Variants in ZFHX3 observed in about 807,000 individuals in gnomAD.
The protein encoded by ZFHX3 is zinc finger homeobox protein 3.
ZFHX3 carries 42 observed loss-of-function variants against 279.1 expected under a neutral mutation model. The ratio of observed to expected loss-of-function variants is 0.15; its 90% CI spans 0.12 to 0.19. ZFHX3 has a LOEUF of 0.19. ZFHX3 is among the 10% of genes least tolerant of loss of function. ZFHX3 has a pLI of 1.00. For synonymous variants in ZFHX3, 2,293 were observed against 1,957.8 expected (o/e 1.17, Z -4.52); for missense variants, 4,981 against 4,754.0 (o/e 1.05, Z -1.40).
chr16:73,648,702 G>A (rs749583572), intron 2 of ZFHX3, among the ~76,000 whole-genome samples: 9 of 152,110 alleles, frequency 5.9e-5, no homozygotes, highest in African/African-American at 1.2e-4. Context: ...GTGAGCCACC[G>A]TGCTCACCCC....
At chr16:73,590,755 G>A (rs907167896) in intron 2 of ZFHX3, among the ~76,000 whole-genome samples, 1 of 152,076 alleles carries the variant, frequency 6.6e-6, no homozygotes, top group Non-Finnish European at 1.5e-5. Context: ...CATATAGAAG[G>A]CACATCATAG....
chr16:73,809,529 C>T (rs557244743), intron 1 of ZFHX3: 126 of 152,186 alleles, frequency 8.3e-4, no homozygotes, highest in Non-Finnish European at 1.7e-3. Context: ...GTCTGTTTCA[C>T]GGTGCTGCTT....
chr16:73,598,897 G>A (rs1370592102), intron 2 of ZFHX3, among the ~76,000 whole-genome samples: 2 of 152,138 alleles, frequency 1.3e-5, no homozygotes, highest in Non-Finnish European at 2.9e-5. Flanking sequence ...CGAGTAGCTG[G>A]GATTACAGGA....
chr16:73,493,680 A>G (rs909208075), intron 2 of ZFHX3, among the ~76,000 whole-genome samples: 2 of 152,100 alleles, frequency 1.3e-5, no homozygotes, highest in African/African-American at 4.8e-5. Context: ...CCTTCCTTCC[A>G]AGGTCTTTCC....
rs371454800 is a variant in ZFHX3, at chr16:72,787,285, G to C, written c.10991C>G (p.Ser3664Cys). ...GGACTTTTGGCTGAGATCCGTGTCA[G>C]ACTCCTCCGAATAGTCGTCTGTTGG... is the stretch of plus-strand genomic sequence containing the variant. The part of the protein sequence containing the change: ...SMPTDDYSEE[S>C]DTDLSQKSDG... Residue 3664 changes from serine (S) to cysteine (C), a missense_variant, in exon 10 of 10, where the codon TCT (serine) becomes TGT (cysteine). Ser to Cys is a moderately radical substitution (Grantham distance 112). Coordinates refer to ENST00000268489, the MANE Select transcript of ZFHX3 (RefSeq NM_006885.4). 4 of 1,613,942 alleles carry C rather than the reference G, an allele frequency of 2.5e-6. No individual in the cohort carries two copies. The highest frequency in any genetic ancestry group is 3.4e-6 in the Non-Finnish European group (4 of 1,180,022).
intron 1 of ZFHX3, among the ~76,000 whole-genome samples, chr16:73,887,740 C>A (rs1172466452): frequency 6.6e-6 from 1 of 152,090 alleles, no homozygotes; most frequent in Non-Finnish European, 1.5e-5. Flanking sequence ...GTAACACACA[C>A]ACTTTTTTTT....
intron 1 of ZFHX3, among the ~76,000 whole-genome samples, chr16:73,787,089 C>CA (rs1464540776): frequency 6.6e-6 from 1 of 152,144 alleles, no homozygotes; most frequent in Non-Finnish European, 1.5e-5. Flanking sequence ...CTTTTTCATA[C>CA]TTTAACTGTC....
intron 4 of ZFHX3, among the ~76,000 whole-genome samples, chr16:72,888,067 T>C (rs1376165919): frequency 1.3e-5 from 2 of 152,024 alleles, no homozygotes; most frequent in South Asian, 4.1e-4. Context: ...GAAACAGTCG[T>C]AGAAGTATGA....
intron 4 of ZFHX3, among the ~76,000 whole-genome samples, chr16:72,849,456 A>G (rs1231347403): frequency 6.6e-6 from 1 of 152,160 alleles, no homozygotes; most frequent in Non-Finnish European, 1.5e-5. Flanking sequence ...CCTGAAGATG[A>G]GGCCACGATC....
intron 3 of ZFHX3, among the ~76,000 whole-genome samples, chr16:72,927,259 C>A (rs1259810715): frequency 1.3e-5 from 2 of 152,198 alleles, no homozygotes; most frequent in Non-Finnish European, 2.9e-5. Flanking sequence ...TTTAGACCCA[C>A]ACCAATGAGT....
At chr16:73,353,479 T>C (rs1287446153) in intron 3 of ZFHX3, among the ~76,000 whole-genome samples, 1 of 152,254 alleles carries the variant, frequency 6.6e-6, no homozygotes, top group Non-Finnish European at 1.5e-5. Context: ...GATAATGTGC[T>C]GGATACTATT....
chr16:73,410,964 T>C (rs1312181228), intron 3 of ZFHX3, among the ~76,000 whole-genome samples: 1 of 152,220 alleles, frequency 6.6e-6, no homozygotes, highest in East Asian at 1.9e-4. Context: ...TGCCAGGCTA[T>C]AAATATCCAG....
chr16:73,847,363 C>G (rs1254996895), intron 1 of ZFHX3, among the ~76,000 whole-genome samples: 1 of 152,134 alleles, frequency 6.6e-6, no homozygotes, highest in Admixed American at 6.5e-5. Flanking sequence ...CATCAAACTA[C>G]AAAAACCAGT....
intron 2 of ZFHX3, among the ~76,000 whole-genome samples, chr16:73,676,797 TA>T (rs11295760): frequency 0.21 from 31,552 of 150,906 alleles, 3,408 homozygotes; most frequent in African/African-American, 0.22. Flanking sequence ...GAGATACAAA[TA>T]AAAAAAAGAG....
At chr16:72,999,298 T>C (rs111544451) in intron 1 of ZFHX3, among the ~76,000 whole-genome samples, 3,667 of 152,270 alleles carry the variant, frequency 0.024, 57 homozygotes, top group Middle Eastern at 0.058. Context: ...GCTGGGATTA[T>C]AGGCACATGC....
In ZFHX3 at chr16:73,818,599, C is replaced by A. The variant is rs1960647246; in HGVS notation, c.-1608+73052G>T. 2.0e-5 allele frequency among the ~76,000 whole-genome samples: 3 copies of A among 152,338 alleles called. No homozygotes were observed. The East Asian group carries it at 5.8e-4, about 29-fold the overall frequency. ...AAAGCATTAAATAAGCAGACACCCA[C>A]ACTCAATTCAACCACAGGTTCTAAA... On this transcript the variant is annotated intron_variant, in intron 1 of 17. Coordinates refer to the ZFHX3 transcript ENST00000641206.
intron 5 of ZFHX3, among the ~76,000 whole-genome samples, chr16:73,145,608 G>A (rs184748547): frequency 6.6e-6 from 1 of 152,352 alleles, no homozygotes; most frequent in African/African-American, 2.4e-5. Flanking sequence ...TGATGACTGA[G>A]TTTTCCACTT....
chr16:73,148,677 T>C (rs1327865972), intron 5 of ZFHX3, among the ~76,000 whole-genome samples: 2 of 149,020 alleles, frequency 1.3e-5, no homozygotes, highest in Non-Finnish European at 3.0e-5. Context: ...TTGGGCATGG[T>C]GGCTCACGTC....
At chr16:72,981,188 T>A (rs538180365) in intron 1 of ZFHX3, among the ~76,000 whole-genome samples, 24 of 152,330 alleles carry the variant, frequency 1.6e-4, no homozygotes, top group African/African-American at 3.1e-4. Context: ...CTCTTACTCC[T>A]TCTCTTAGAA....
Sources: allele counts gnomAD v4.1 joint callset (sites outside exome capture counted in the v4.1 genomes callset), GRCh38; gene constraint gnomAD v4.1.1; transcripts MANE v1.5; gene names NCBI Gene and HGNC (gene_info 2026-07-23, HGNC 2026-07-21).